The following ST6GALNAC3 variants were observed in gnomAD, a reference collection of about 807,000 sequenced individuals.
ST6GALNAC3 encodes the protein ST6 N-acetylgalactosaminide alpha-2,6-sialyltransferase 3.
In ST6GALNAC3, 25 loss-of-function variants were observed where a neutral mutation model predicts 32.7. That is an observed-to-expected ratio of 0.76 (90% CI 0.56 to 1.07). The LOEUF (loss-of-function observed/expected upper bound fraction) is 1.07, where lower values mean the gene tolerates loss of function less well. ST6GALNAC3 is among the 50% of genes least tolerant of loss of function. The probability of loss-of-function intolerance (pLI) is 0.00; values close to 1 mark genes in which losing one functional copy is unlikely to be tolerated. For missense variants in ST6GALNAC3, 355 were observed against 382.4 expected (o/e 0.93, Z 0.60); for synonymous variants, 129 against 133.1 (o/e 0.97, Z 0.21).
chr1:76,465,348 C>G (rs563419516), intron 3 of ST6GALNAC3, among the ~76,000 whole-genome samples: 1 of 152,100 alleles, frequency 6.6e-6, no homozygotes, highest in Non-Finnish European at 1.5e-5. Context: ...CCATTGGAAA[C>G]AAGCATTTTC....
At chr1:76,212,627 C>G (rs1425876033) in intron 1 of ST6GALNAC3, among the ~76,000 whole-genome samples, 1 of 152,172 alleles carries the variant, frequency 6.6e-6, no homozygotes, top group Admixed American at 6.5e-5. Flanking sequence ...ATTTCCACTT[C>G]TACCACACAA....
intron 1 of ST6GALNAC3, among the ~76,000 whole-genome samples, chr1:76,089,340 C>T (rs1336466804): frequency 3.3e-5 from 5 of 152,136 alleles, no homozygotes; most frequent in African/African-American, 7.2e-5. Flanking sequence ...CATAAGCCAC[C>T]GCACCCGGCC....
At chr1:76,525,217 A>C (rs1347818439) in intron 3 of ST6GALNAC3, among the ~76,000 whole-genome samples, 1 of 152,124 alleles carries the variant, frequency 6.6e-6, no homozygotes, top group Admixed American at 6.6e-5. Context: ...CTTCAGATAC[A>C]CAGAGGAGCC....
intron 2 of ST6GALNAC3, among the ~76,000 whole-genome samples, chr1:76,363,923 G>C (rs1056185103): frequency 2.6e-5 from 4 of 152,092 alleles, no homozygotes; most frequent in Non-Finnish European, 4.4e-5. Context: ...AACTATTCAT[G>C]ATAATCTTCC....
Position 76,229,720 on chromosome 1 carries a change from C to CTTTG in ST6GALNAC3, c.19-84084_19-84081dup, listed in dbSNP as rs140975465. Among the ~76,000 whole-genome samples, 822 of 152,264 alleles carry CTTTG rather than the reference C, an allele frequency of 5.4e-3. 8 individuals are homozygous for CTTTG. The highest frequency in any genetic ancestry group is 0.016 in the African/African-American group (662 of 41,562). On this transcript the variant is annotated intron_variant, in intron 1 of 4. Transcript: ENST00000328299. The stretch of plus-strand genomic sequence containing the variant: ...CTTCAGGTACATTAGCATTTCCTAG[C>CTTTG]TTTGGGGTGGGGGCTGTGGCTGACC...
At chr1:76,511,121 T>C (rs1039027385) in intron 3 of ST6GALNAC3, among the ~76,000 whole-genome samples, 3 of 152,142 alleles carry the variant, frequency 2.0e-5, no homozygotes, top group Non-Finnish European at 2.9e-5. Context: ...CAGGGTCTTT[T>C]GCCAAAGCTT....
intron 2 of ST6GALNAC3, chr1:76,353,437 T>G (rs1649167388): frequency 6.6e-6 from 1 of 152,186 alleles, no homozygotes; most frequent in African/African-American, 2.4e-5. Flanking sequence ...GTCAAATCAT[T>G]GTTCGTTTGT....
intron 3 of ST6GALNAC3, among the ~76,000 whole-genome samples, chr1:76,584,658 T>A (rs1286204705): frequency 6.6e-6 from 1 of 152,114 alleles, no homozygotes; most frequent in Non-Finnish European, 1.5e-5. Flanking sequence ...AGAAACAAGA[T>A]CTAAAAGAGA....
chr1:76,088,849 G>A (rs1456461525), intron 1 of ST6GALNAC3, among the ~76,000 whole-genome samples: 1 of 152,306 alleles, frequency 6.6e-6, no homozygotes, highest in South Asian at 2.1e-4. Context: ...ATTAGCATGT[G>A]CAAAGATCCG....
At chr1:76,378,175 T>C (rs893367462) in intron 2 of ST6GALNAC3, among the ~76,000 whole-genome samples, 1 of 152,012 alleles carries the variant, frequency 6.6e-6, no homozygotes, top group Admixed American at 6.6e-5. Context: ...GAAAAAAAGG[T>C]TGGATATGGA....
intron 3 of ST6GALNAC3, among the ~76,000 whole-genome samples, chr1:76,422,165 T>C (rs1224347440): frequency 6.6e-6 from 1 of 152,030 alleles, no homozygotes; most frequent in African/African-American, 2.4e-5. Context: ...CCTAGAAGAA[T>C]ATATGTTGTG....
At chr1:76,387,549 C>T (rs537324874) in intron 2 of ST6GALNAC3, among the ~76,000 whole-genome samples, 1 of 152,122 alleles carries the variant, frequency 6.6e-6, no homozygotes, top group South Asian at 2.1e-4. Flanking sequence ...TTTTAAATTT[C>T]CTAGCTCCTC....
intron 1 of ST6GALNAC3, among the ~76,000 whole-genome samples, chr1:76,125,611 T>C (rs908558027): frequency 3.3e-5 from 5 of 152,198 alleles, no homozygotes; most frequent in African/African-American, 1.2e-4. Flanking sequence ...TGTTTTAGTA[T>C]CTAGAATACA....
intron 2 of ST6GALNAC3, among the ~76,000 whole-genome samples, chr1:76,339,681 A>G (rs547376427): frequency 6.4e-4 from 98 of 152,316 alleles, no homozygotes; most frequent in Non-Finnish European, 1.3e-3. Context: ...TCATTTATTG[A>G]GTGCCTACTA....
chr1:76,327,639 G>T (rs894885905), intron 2 of ST6GALNAC3, among the ~76,000 whole-genome samples: 4 of 152,210 alleles, frequency 2.6e-5, no homozygotes, highest in Admixed American at 2.6e-4. Context: ...GCCCGGGCGG[G>T]AGGGCAGTGG....
rs2101643126 is a variant in ST6GALNAC3, at chr1:76,477,230, T to A, written c.623+64813T>A. Among the ~76,000 whole-genome samples, 3 of 328 alleles carry A rather than the reference T, an allele frequency of 9.1e-3. No homozygotes were observed. The South Asian group carries it at 0.5, about 55-fold the overall frequency. 0.2% of individuals were successfully genotyped at this position (328 alleles called of 152,430 possible). On this transcript the variant is annotated intron_variant, in intron 3 of 4. Transcript: ENST00000328299. ...ACATTCTTATCTTTTCATCCAGCAT[T>A]TTTTTTTTTGGTGAATACCATATTA... is the stretch of plus-strand genomic sequence containing the variant.
At chr1:76,256,338 A>G (rs2100713630) in intron 1 of ST6GALNAC3, among the ~76,000 whole-genome samples, 1 of 152,212 alleles carries the variant, frequency 6.6e-6, no homozygotes, top group South Asian at 2.1e-4. Context: ...AGAGAAGGCA[A>G]GGTATTTAGA....
intron 2 of ST6GALNAC3, among the ~76,000 whole-genome samples, chr1:76,396,207 G>C (rs4459157): frequency 0.35 from 53,612 of 152,166 alleles, 10,125 homozygotes; most frequent in Middle Eastern, 0.45. Flanking sequence ...ACTCATGCCT[G>C]TAGTTCCAGC....
chr1:76,090,568 T>C (rs1398846558), intron 1 of ST6GALNAC3, among the ~76,000 whole-genome samples: 1 of 152,212 alleles, frequency 6.6e-6, no homozygotes, highest in East Asian at 1.9e-4. Context: ...CCCTTTCTTA[T>C]CTGGTCAGTG....
Sources: gnomAD v4.1 joint callset for allele counts (sites outside exome capture counted in the v4.1 genomes callset) on GRCh38, gnomAD v4.1.1 for gene constraint, MANE v1.5 for transcripts, NCBI Gene and HGNC (gene_info 2026-07-23, HGNC 2026-07-21) for gene names.